TANC1: variants seen among roughly 807,000 people sequenced by gnomAD.
The protein encoded by TANC1 is tetratricopeptide repeat, ankyrin repeat and coiled-coil containing 1.
A neutral mutation model predicts 149.7 loss-of-function variants in TANC1; 77 were observed. The ratio of observed to expected loss-of-function variants is 0.51; its 90% CI spans 0.43 to 0.62. The LOEUF (loss-of-function observed/expected upper bound fraction) is 0.62. TANC1 is among the 20% of genes least tolerant of loss of function. TANC1 has a pLI of 0.00. For synonymous variants in TANC1, 854 were observed against 925.0 expected, an observed-to-expected ratio of 0.92 and a Z score of 1.39; for missense variants, 1,985 against 2,321.8, an observed-to-expected ratio of 0.85 and a Z score of 2.98.
chr2:159,172,257 A>T lies in TANC1; in HGVS notation c.1488A>T (p.Lys496Asn). Residue 496 changes from lysine to asparagine, a missense_variant, in exon 11 of 27, where the codon AAA becomes AAT. Around this residue, in one of 3 missense-constraint regions of TANC1, gnomAD observed 557 missense variants for 612.9 expected, o/e 0.91. Transcript: ENST00000263635. ...ENQRPREDAV[K>N]YLASKVVAYH... ...AGAGACCAAGAGAGGATGCAGTGAA[A>T]TATCTTGCTTCTAAGGTAATCTTTC... 1 of 1,614,106 alleles carries T rather than the reference A, an allele frequency of 6.2e-7. No individual in the cohort carries two copies. The highest frequency in any genetic ancestry group is 1.1e-5 in the South Asian group (1 of 91,048).
Position 158,988,325 on chromosome 2 carries a change from C to CAAA in TANC1, c.-125-12739_-125-12737dup, listed in dbSNP as rs1285907133. On this transcript the variant is annotated intron_variant, in intron 1 of 26. Coordinates refer to ENST00000263635, the MANE Select transcript of TANC1 (RefSeq NM_033394.3). The stretch of plus-strand genomic sequence containing the variant: ...CTGGGTGACAGGCAAGACCCTGTCC[C>CAAA]AAAAAAAAAAAAAAAAAAGAAAAAG... Among the ~76,000 whole-genome samples the CAAA allele has an allele frequency of 6.9e-5, 6 of 87,404 alleles. 1 individual carries two copies. Among genetic ancestry groups the CAAA allele is most frequent in the Admixed American group, 1.2e-4 (1 of 8,570 alleles). 57.3% of individuals were successfully genotyped at this position (87,404 alleles called of 152,430 possible).
chr2:159,172,944 G>A (rs1490840826), intron 11 of TANC1, among the ~76,000 whole-genome samples: 2 of 152,134 alleles, frequency 1.3e-5, no homozygotes, highest in Non-Finnish European at 2.9e-5. Flanking sequence ...CCTGTGGGGA[G>A]GTTGGTGAGG....
chr2:159,210,996 A>C (rs777049800), intron 19 of TANC1, among the ~76,000 whole-genome samples: 13 of 151,214 alleles, frequency 8.6e-5, no homozygotes, highest in Non-Finnish European at 1.6e-4. Context: ...TCAGCCTCCC[A>C]AGTAGCTGGG....
chr2:159,161,818 C>T (rs544551310), intron 7 of TANC1, among the ~76,000 whole-genome samples: 2 of 152,330 alleles, frequency 1.3e-5, no homozygotes, highest in South Asian at 4.1e-4. Flanking sequence ...AGATCCTGAA[C>T]TCTGGTAAGT....
intron 13 of TANC1, among the ~76,000 whole-genome samples, chr2:159,177,167 C>T (rs983200928): frequency 2.0e-5 from 3 of 152,086 alleles, no homozygotes; most frequent in Non-Finnish European, 4.4e-5. Context: ...ACCTTGGCCT[C>T]CCAAAGTGCT....
At position 159,216,374 on chromosome 2, in the gene TANC1, C is replaced by G. The variant is rs148747296; in HGVS notation, c.3245-1123C>G. Among the ~76,000 whole-genome samples the G allele has an allele frequency of 5.3e-5, 8 of 152,282 alleles. No homozygotes were observed. The East Asian group carries it at 1.4e-3, about 26-fold the overall frequency. ...TCCCAGGCACGTGCTGGGAATAGAGCCAGGGTGCTGTGCTCCATCTCCTTC... is the reference window on the plus strand; with the variant it reads ...TCCCAGGCACGTGCTGGGAATAGAGGCAGGGTGCTGTGCTCCATCTCCTTC... On this transcript the variant is annotated intron_variant, in intron 19 of 26. Coordinates refer to ENST00000263635, the MANE Select transcript of TANC1 (RefSeq NM_033394.3).
At chr2:159,133,344 C>CTTT (rs796553146) in intron 4 of TANC1, among the ~76,000 whole-genome samples, 1 of 97,064 alleles carries the variant, frequency 1.0e-5, no homozygotes, top group Non-Finnish European at 2.0e-5. Flanking sequence ...GTTCTGGTTC[C>CTTT]TTTTTTTTTT....
intron 2 of TANC1, among the ~76,000 whole-genome samples, chr2:159,052,797 A>G (rs189237552): frequency 1.4e-4 from 22 of 152,336 alleles, no homozygotes; most frequent in Admixed American, 1.2e-3. Context: ...TTTGTATCAT[A>G]TTGTGGAAAT....
At chr2:159,035,801 G>A (rs2040142258) in intron 2 of TANC1, among the ~76,000 whole-genome samples, 2 of 152,190 alleles carry the variant, frequency 1.3e-5, no homozygotes, top group South Asian at 4.1e-4. Flanking sequence ...TGCCTTTGTA[G>A]CTTTAAACTC....
chr2:159,213,194 T>G (rs116321276), intron 19 of TANC1, among the ~76,000 whole-genome samples: 2 of 152,256 alleles, frequency 1.3e-5, no homozygotes, highest in Non-Finnish European at 2.9e-5. Flanking sequence ...CTCAAAATCT[T>G]TATGCGAAAA....
intron 3 of TANC1, among the ~76,000 whole-genome samples, chr2:159,091,034 GT>G (rs202246294): frequency 2.5e-4 from 38 of 149,042 alleles, no homozygotes; most frequent in Admixed American, 2.7e-4. Context: ...GTGTTTTTTT[GT>G]TTTTTTTTTC....
At chr2:159,050,900 T>C (rs1177506086) in intron 2 of TANC1, among the ~76,000 whole-genome samples, 5 of 152,224 alleles carry the variant, frequency 3.3e-5, no homozygotes, top group Non-Finnish European at 7.3e-5. Flanking sequence ...ATATGGGCTT[T>C]GTTAGGTTTG....
chr2:159,230,365 G>T lies in TANC1; in HGVS notation c.4939G>T (p.Gly1647Trp). 1 of 1,614,104 alleles carries T rather than the reference G, an allele frequency of 6.2e-7. No homozygotes were observed. Among genetic ancestry groups the T allele is most frequent in the Non-Finnish European group, 8.5e-7 (1 of 1,180,030 alleles). Residue 1647 changes from glycine to tryptophan, a missense_variant, in exon 27 of 27, where the codon GGG (glycine) becomes TGG (tryptophan). This residue lies in a region of TANC1 where 920 missense variants were observed against 994.7 expected (regional missense o/e 0.92). Transcript: ENST00000263635. The surrounding 1 kb of genome is among the most constrained non-coding windows in gnomAD (Gnocchi z 4.4). ...AVDAAPPNQGGLATCSDVRHP... is the reference protein window; with the variant it reads ...AVDAAPPNQGWLATCSDVRHP... The stretch of plus-strand genomic sequence containing the variant: ...GGACGCAGCCCCTCCAAACCAAGGT[G>T]GGCTGGCGACCTGCAGCGACGTGCG...
At chr2:159,181,905 A>G (rs1200217567) in intron 14 of TANC1, among the ~76,000 whole-genome samples, 2 of 152,158 alleles carry the variant, frequency 1.3e-5, no homozygotes, top group African/African-American at 2.4e-5. Context: ...GAAGATAAAG[A>G]ATAGTTTGAG....
chr2:159,158,314 T>C (rs2053645744), intron 7 of TANC1, among the ~76,000 whole-genome samples: 1 of 152,004 alleles, frequency 6.6e-6, no homozygotes, highest in South Asian at 2.1e-4. Context: ...GAGCTGTCAT[T>C]GCACCACTGT....
At chr2:158,995,473 T>A (rs1217192454) in intron 1 of TANC1, among the ~76,000 whole-genome samples, 1 of 152,206 alleles carries the variant, frequency 6.6e-6, no homozygotes, top group Non-Finnish European at 1.5e-5. Context: ...TGCTAGAGGC[T>A]AACCAGATCC....
At position 159,224,360 on chromosome 2, in the gene TANC1, G is replaced by A. The variant is rs773758322; in HGVS notation, c.3807G>A (p.Lys1269=). ...VVVALLRKGA[K]LGNAAWAMAT... Reference sequence around the variant, plus strand: ...TGGCGCTACTCAGAAAGGGAGCCAAGTTAGGTCAGTGAGCACTGCCTCCAT... The same window carrying A: ...TGGCGCTACTCAGAAAGGGAGCCAAATTAGGTCAGTGAGCACTGCCTCCAT... The change falls in exon 23 of 27, where the codon AAG becomes AAA. Residue 1269 remains lysine, a synonymous_variant. Transcript: ENST00000263635. 6.2e-7 allele frequency: 1 copy of A among 1,614,150 alleles called. No homozygotes were observed. The highest frequency in any genetic ancestry group is 8.5e-7 in the Non-Finnish European group (1 of 1,180,046).
chr2:159,145,551 G>A (rs191501080), intron 5 of TANC1, among the ~76,000 whole-genome samples: 305 of 152,270 alleles, frequency 2.0e-3, no homozygotes, highest in Non-Finnish European at 3.1e-3. Flanking sequence ...AGACAGTGGC[G>A]GAAGATGAGA....
Position 159,065,877 on chromosome 2 carries a change from CTGTT to C in TANC1, c.-15-17_-15-14del. ...TTTCAATGTTTAATTCCTCTTCTCT[CTGTT>C]TCTTTTCTCCTTAGAAACAAGTGTT... On this transcript the variant is annotated splice_polypyrimidine_tract_variant and intron_variant, in intron 2 of 26. Transcript: ENST00000263635. 1 of 1,597,876 alleles carries C rather than the reference CTGTT, an allele frequency of 6.3e-7. No homozygotes were observed. Among genetic ancestry groups the C allele is most frequent in the Non-Finnish European group, 8.6e-7 (1 of 1,165,322 alleles).
Sources: allele counts gnomAD v4.1 joint callset (sites outside exome capture counted in the v4.1 genomes callset), GRCh38; gene constraint gnomAD v4.1.1; regional missense constraint gnomAD v4.1.1; non-coding constraint Gnocchi (gnomAD v3.1); transcripts MANE v1.5; gene names NCBI Gene and HGNC (gene_info 2026-07-23, HGNC 2026-07-21).